CSMD3: variants seen among roughly 807,000 people sequenced by gnomAD.
The protein encoded by CSMD3 is CUB and sushi domain-containing protein 3.
CSMD3 carries 177 observed loss-of-function variants against 435.2 expected under a neutral mutation model. The ratio of observed to expected loss-of-function variants is 0.41; its 90% confidence interval spans 0.36 to 0.46. The LOEUF (loss-of-function observed/expected upper bound fraction) is 0.46. CSMD3 is among the 20% of genes least tolerant of loss of function. The probability of loss-of-function intolerance (pLI) is 0.34; values close to 1 mark genes in which losing one functional copy is unlikely to be tolerated. For missense variants in CSMD3, 4,265 were observed against 4,504.6 expected, an observed-to-expected ratio of 0.95 and a Z score of 1.52; for synonymous variants, 1,656 against 1,520.5, an observed-to-expected ratio of 1.09 and a Z score of -2.07.
chr8:112,748,899 C>G (rs73340106), intron 13 of CSMD3, among the ~76,000 whole-genome samples: 2,652 of 152,208 alleles, frequency 0.017, 75 homozygotes, highest in African/African-American at 0.061. Flanking sequence ...GCTTTTAGCT[C>G]TTTAAGGAAT....
chr8:112,351,836 C>G (rs1826163537), intron 39 of CSMD3, among the ~76,000 whole-genome samples: 1 of 151,674 alleles, frequency 6.6e-6, no homozygotes, highest in African/African-American at 2.4e-5. Context: ...AACTTTTTAT[C>G]TTAATGAGTT....
intron 2 of CSMD3, among the ~76,000 whole-genome samples, chr8:113,290,934 A>AT (rs1002219719): frequency 6.6e-6 from 1 of 151,344 alleles, no homozygotes; most frequent in Non-Finnish European, 1.5e-5. Context: ...TATATGAAGT[A>AT]TTTTTTTAAA....
chr8:112,293,487 C>A (rs903249234), intron 54 of CSMD3, among the ~76,000 whole-genome samples: 1 of 151,964 alleles, frequency 6.6e-6, no homozygotes, highest in Non-Finnish European at 1.5e-5. Context: ...AATGTGACTA[C>A]ATAATGTAGA....
chr8:112,533,969 T>G (rs1240311667), intron 27 of CSMD3, among the ~76,000 whole-genome samples: 2 of 151,868 alleles, frequency 1.3e-5, no homozygotes, highest in Non-Finnish European at 2.9e-5. Context: ...ACATTAGAAA[T>G]TGTACAAATA....
At chr8:112,293,643 T>A (rs60814517) in intron 54 of CSMD3, among the ~76,000 whole-genome samples, 4,506 of 152,180 alleles carry the variant, frequency 0.03, 226 homozygotes, top group African/African-American at 0.1. Flanking sequence ...TATTCTTAAT[T>A]AGGTTCTTTT....
At chr8:113,224,149 A>C (rs2093000541) in intron 3 of CSMD3, among the ~76,000 whole-genome samples, 1 of 151,280 alleles carries the variant, frequency 6.6e-6, no homozygotes, top group Non-Finnish European at 1.5e-5. Context: ...TTTTTGGTTA[A>C]ATAGTATATT....
At chr8:112,546,584 T>A (rs561616637) in intron 27 of CSMD3, among the ~76,000 whole-genome samples, 2 of 152,162 alleles carry the variant, frequency 1.3e-5, no homozygotes, top group East Asian at 3.9e-4. Context: ...GCATAGAAAA[T>A]GCTCTGTCAG....
intron 3 of CSMD3, among the ~76,000 whole-genome samples, chr8:113,214,848 A>T (rs2092882929): frequency 6.6e-6 from 1 of 151,924 alleles, no homozygotes; most frequent in Non-Finnish European, 1.5e-5. Context: ...AGCACAGAGT[A>T]GATTAAATAT....
At chr8:113,107,659 G>T (rs990537957) in intron 4 of CSMD3, among the ~76,000 whole-genome samples, 2 of 152,170 alleles carry the variant, frequency 1.3e-5, no homozygotes, top group Non-Finnish European at 2.9e-5. Context: ...AACAAAACAA[G>T]GGTTGTGTTA....
At chr8:113,204,881 C>T (rs2092753951) in intron 3 of CSMD3, among the ~76,000 whole-genome samples, 1 of 152,002 alleles carries the variant, frequency 6.6e-6, no homozygotes, top group Non-Finnish European at 1.5e-5. Flanking sequence ...CACAGTTCCA[C>T]ATGGCTAGAG....
intron 24 of CSMD3, among the ~76,000 whole-genome samples, chr8:112,563,352 G>C (rs1332807049): frequency 6.6e-6 from 1 of 151,006 alleles, no homozygotes; most frequent in Admixed American, 6.6e-5. Flanking sequence ...AAAAGCTTGT[G>C]GAAATTATTA....
chr8:113,085,250 C>T (rs1604847), intron 5 of CSMD3, among the ~76,000 whole-genome samples: 2 of 123,696 alleles, frequency 1.6e-5, no homozygotes, highest in Non-Finnish European at 4.0e-5. Flanking sequence ...CAAAAAAAAA[C>T]CACCCACAAA....
In CSMD3 at chr8:112,830,499, A is replaced by G. The variant is rs550565897; in HGVS notation, c.1756-710T>C. Among the ~76,000 whole-genome samples, 36 of 152,244 alleles carry G rather than the reference A, an allele frequency of 2.4e-4. 1 individual carries two copies. In the South Asian group the frequency reaches 7.5e-3, roughly 32 times the overall value. On this transcript the variant is annotated intron_variant, in intron 11 of 70. Transcript: ENST00000297405. ...TCAAATTTAATTAAATTGCAATTTT[A>G]AAAATAGCTATAATATTGAAAAAAT...
intron 1 of CSMD3, among the ~76,000 whole-genome samples, chr8:113,418,514 C>G (rs2094593338): frequency 6.6e-6 from 1 of 151,978 alleles, no homozygotes. Context: ...AAAAAAGAAC[C>G]TAAAGTCTAT....
At chr8:112,304,291 T>C (rs16883388) in intron 52 of CSMD3, among the ~76,000 whole-genome samples, 7,429 of 152,080 alleles carry the variant, frequency 0.049, 298 homozygotes, top group East Asian at 0.15. Context: ...AGTCAAGGGT[T>C]TTAGTCAGGC....
rs551954543 is a variant in CSMD3, at chr8:112,800,757, A to G, written c.1860-483T>C. ...ATGTCGAATACACAAGCCTTAAAAT[A>G]TAGTACCTACATTATAGGCTGCCCA... On this transcript the variant is annotated intron_variant, in intron 12 of 70. Coordinates refer to ENST00000297405, the MANE Select transcript of CSMD3 (RefSeq NM_198123.2). 4.2e-4 allele frequency among the ~76,000 whole-genome samples: 64 copies of G among 152,170 alleles called. No individual in the cohort carries two copies. The South Asian group carries it at 0.013, about 31-fold the overall frequency.
At chr8:113,433,758 A>G (rs1034080509) in intron 1 of CSMD3, among the ~76,000 whole-genome samples, 7 of 152,138 alleles carry the variant, frequency 4.6e-5, no homozygotes, top group African/African-American at 1.4e-4. Context: ...GTCTCTTTAC[A>G]TGGGCGGGAC....
At chr8:112,266,526 A>G (rs1446107674) in intron 59 of CSMD3, among the ~76,000 whole-genome samples, 1 of 152,224 alleles carries the variant, frequency 6.6e-6, no homozygotes, top group Non-Finnish European at 1.5e-5. Context: ...AGATAAAATT[A>G]TTAAGAATTT....
rs180760118 is a variant in CSMD3 at position 112,653,447 on chromosome 8, C to T, written c.3004+2707G>A. On this transcript the variant is annotated intron_variant, in intron 18 of 70. Transcript: ENST00000297405. ...ATTTGGAGATGAATATATGTCTATA[C>T]GTTTGTTCTGTATCCATTTTCAATT... Among the ~76,000 whole-genome samples, 188 of 151,964 alleles carry T rather than the reference C, an allele frequency of 1.2e-3. 1 individual carries two copies. Among genetic ancestry groups the T allele is most frequent in the Non-Finnish European group, 1.8e-3 (122 of 67,962 alleles).
Sources: gnomAD v4.1 joint callset for allele counts (sites outside exome capture counted in the v4.1 genomes callset) on GRCh38, gnomAD v4.1.1 for gene constraint, MANE v1.5 for transcripts, NCBI Gene and HGNC (gene_info 2026-07-23, HGNC 2026-07-21) for gene names.